The following KCNT2 variants were observed in gnomAD, a reference collection of about 807,000 sequenced individuals.
KCNT2 encodes the protein potassium channel subfamily T member 2.
In KCNT2, 67 loss-of-function variants were observed where a neutral mutation model predicts 153.8. The observed-to-expected ratio is 0.44, with a 90% CI of 0.36 to 0.53. The LOEUF (loss-of-function observed/expected upper bound fraction) is 0.53. Among genes scored for constraint, KCNT2 ranks in the 20% least tolerant of loss-of-function variants. The pLI is 0.00. For synonymous variants in KCNT2, 500 were observed against 458.8 expected, an observed-to-expected ratio of 1.09 and a Z score of -1.15; for missense variants, 975 against 1,354.8, an observed-to-expected ratio of 0.72 and a Z score of 4.40.
chr1:196,543,119 G>A (rs189422843), intron 1 of KCNT2, among the ~76,000 whole-genome samples: 1 of 152,224 alleles, frequency 6.6e-6, no homozygotes, highest in East Asian at 1.9e-4. Flanking sequence ...AGTTGTGGTA[G>A]TCTTGAAAGC....
intron 21 of KCNT2, among the ~76,000 whole-genome samples, chr1:196,307,014 A>G (rs970420050): frequency 3.9e-5 from 6 of 152,170 alleles, no homozygotes; most frequent in African/African-American, 1.4e-4. Context: ...AGTAATTGTT[A>G]TTAAAATAAT....
At chr1:196,474,608 T>C (rs1343796189) in intron 5 of KCNT2, among the ~76,000 whole-genome samples, 1 of 152,194 alleles carries the variant, frequency 6.6e-6, no homozygotes, top group African/African-American at 2.4e-5. Context: ...AAAAAAGAAT[T>C]GCACATTTAA....
chr1:196,593,294 T>TAA (rs1335999205), intron 1 of KCNT2, among the ~76,000 whole-genome samples: 6 of 46,266 alleles, frequency 1.3e-4, no homozygotes, highest in African/African-American at 4.0e-4. Context: ...ATCATATATA[T>TAA]AATATATATA....
At chr1:196,306,951 A>C (rs1477104452) in intron 21 of KCNT2, among the ~76,000 whole-genome samples, 4 of 152,070 alleles carry the variant, frequency 2.6e-5, no homozygotes, top group Non-Finnish European at 4.4e-5. Context: ...CCTAGTTCTT[A>C]ATCTTCGTTT....
intron 14 of KCNT2, among the ~76,000 whole-genome samples, chr1:196,361,383 T>C (rs899335380): frequency 1.3e-5 from 2 of 151,948 alleles, no homozygotes; most frequent in Admixed American, 6.6e-5. Context: ...ATGATGCAAT[T>C]AGACAGCCAG....
At chr1:196,518,219 G>A (rs893918056) in intron 1 of KCNT2, among the ~76,000 whole-genome samples, 2 of 152,090 alleles carry the variant, frequency 1.3e-5, no homozygotes, top group Non-Finnish European at 1.5e-5. Flanking sequence ...AATGCTAAGG[G>A]AGTTTGTTAC....
chr1:196,481,009 G>A (rs1032568548), intron 4 of KCNT2, among the ~76,000 whole-genome samples: 1 of 151,810 alleles, frequency 6.6e-6, no homozygotes, highest in African/African-American at 2.4e-5. Context: ...CTTAATTGAA[G>A]GATAGCTCAG....
At chr1:196,300,200 G>A (rs1199095351) in intron 22 of KCNT2, among the ~76,000 whole-genome samples, 1 of 152,202 alleles carries the variant, frequency 6.6e-6, no homozygotes, top group African/African-American at 2.4e-5. Flanking sequence ...AAAGACAGGG[G>A]CTACAGAAGA....
intron 8 of KCNT2, among the ~76,000 whole-genome samples, chr1:196,441,526 T>C (rs1675228226): frequency 6.6e-6 from 1 of 151,516 alleles, no homozygotes; most frequent in Admixed American, 6.6e-5. Context: ...TGCTAAGTGT[T>C]CTTTCTTATA....
At chr1:196,522,757 G>A (rs1490896108) in intron 1 of KCNT2, among the ~76,000 whole-genome samples, 1 of 152,156 alleles carries the variant, frequency 6.6e-6, no homozygotes, top group African/African-American at 2.4e-5. Context: ...CTAAAGGATT[G>A]TAAATGCACC....
intron 26 of KCNT2, among the ~76,000 whole-genome samples, chr1:196,254,959 C>T (rs1239580392): frequency 6.6e-6 from 1 of 151,552 alleles, no homozygotes; most frequent in African/African-American, 2.4e-5. Context: ...GGCTTTTCAT[C>T]TTTTACTAAC....
intron 13 of KCNT2, among the ~76,000 whole-genome samples, chr1:196,391,277 T>C (rs1378405146): frequency 6.6e-6 from 1 of 151,448 alleles, no homozygotes; most frequent in Non-Finnish European, 1.5e-5. Flanking sequence ...TTCATCATTA[T>C]GTCACTAGCG....
At chr1:196,259,216 G>T (rs927659257) in intron 25 of KCNT2, among the ~76,000 whole-genome samples, 10 of 152,030 alleles carry the variant, frequency 6.6e-5, no homozygotes, top group African/African-American at 2.4e-4. Flanking sequence ...AAAACAGGCT[G>T]TTCTCCATAG....
intron 22 of KCNT2, among the ~76,000 whole-genome samples, chr1:196,285,994 G>A (rs1020325172): frequency 6.6e-6 from 1 of 151,896 alleles, no homozygotes; most frequent in East Asian, 1.9e-4. Context: ...TGTACATTAA[G>A]CATGTATTTA....
At chr1:196,258,088 C>A in intron 26 of KCNT2, 106 bp downstream of exon 26, 1 of 1,467,462 alleles carries the variant, frequency 6.8e-7, no homozygotes, top group South Asian at 1.4e-5. Flanking sequence ...TACTAATTGA[C>A]CTGTGAAGCA....
At chr1:196,444,421 C>A (rs1406842725) in intron 8 of KCNT2, among the ~76,000 whole-genome samples, 1 of 151,120 alleles carries the variant, frequency 6.6e-6, no homozygotes, top group South Asian at 2.1e-4. Context: ...AAGCATAATG[C>A]CTATTCTGCT....
intron 1 of KCNT2, among the ~76,000 whole-genome samples, chr1:196,569,213 T>C (rs993797955): frequency 2.0e-5 from 3 of 152,208 alleles, no homozygotes; most frequent in Non-Finnish European, 4.4e-5. Flanking sequence ...TTCAAGTTAA[T>C]TGATTACTTC....
At chr1:196,577,238 G>C (rs1298049023) in intron 1 of KCNT2, among the ~76,000 whole-genome samples, 1 of 152,014 alleles carries the variant, frequency 6.6e-6, no homozygotes, top group Non-Finnish European at 1.5e-5. Context: ...CAACAAAAAT[G>C]ACAACATACG....
chr1:196,570,678 C>A (rs1430759650), intron 1 of KCNT2, among the ~76,000 whole-genome samples: 3 of 152,048 alleles, frequency 2.0e-5, no homozygotes, highest in Non-Finnish European at 4.4e-5. Flanking sequence ...TACAAGCCTT[C>A]ATAAAAAGAA....
Sources: allele counts gnomAD v4.1 joint callset (sites outside exome capture counted in the v4.1 genomes callset), GRCh38; gene constraint gnomAD v4.1.1; transcripts MANE v1.5; gene names NCBI Gene and HGNC (gene_info 2026-07-23, HGNC 2026-07-21).